The following LOC400499 variants were observed in gnomAD, a reference collection of about 807,000 sequenced individuals.
chr16:11,514,332 G>T, the LOC400499 span: 1 of 399,104 alleles, frequency 2.5e-6, no homozygotes, highest in Non-Finnish European at 4.4e-6. Context: ...CGGCCAGGGG[G>T]TGGCCACCAG....
At chr16:11,517,080 G>A in the LOC400499 span, among the ~76,000 whole-genome samples, 2 of 152,228 alleles carry the variant, frequency 1.3e-5, no homozygotes, top group Non-Finnish European at 2.9e-5. Flanking sequence ...ATGCCCTCCA[G>A]GGAGTTTCAT....
chr16:11,501,315 C>T, the LOC400499 span, among the ~76,000 whole-genome samples: 1 of 152,024 alleles, frequency 6.6e-6, no homozygotes, highest in Non-Finnish European at 1.5e-5. Context: ...AGCAAACAGT[C>T]CCTAATTTAA....
At chr16:11,477,889 G>A in the LOC400499 span, 1 of 399,048 alleles carries the variant, frequency 2.5e-6, no homozygotes, top group Admixed American at 4.4e-5. Flanking sequence ...CTCGGACCCG[G>A]ATGCTGATGG....
chr16:11,500,611 G>T, the LOC400499 span, among the ~76,000 whole-genome samples: 4 of 152,040 alleles, frequency 2.6e-5, no homozygotes, highest in African/African-American at 9.7e-5. Flanking sequence ...GCTGACCCTT[G>T]AACCCGGAAT....
At chr16:11,405,560 G>A in the LOC400499 span, among the ~76,000 whole-genome samples, 2 of 152,152 alleles carry the variant, frequency 1.3e-5, no homozygotes, top group African/African-American at 2.4e-5. Context: ...GGAGAGGGAC[G>A]CCGTCCCTGC....
the LOC400499 span, among the ~76,000 whole-genome samples, chr16:11,497,684 G>A: frequency 6.6e-6 from 1 of 152,058 alleles, no homozygotes; most frequent in East Asian, 1.9e-4. Context: ...TGAGGCCTGG[G>A]TGCTGAGCAG....
At chr16:11,414,449 G>C in the LOC400499 span, 2 of 400,358 alleles carry the variant, frequency 5.0e-6, no homozygotes. Flanking sequence ...AGGGCTGCCA[G>C]GTCCATGCTG....
the LOC400499 span, among the ~76,000 whole-genome samples, chr16:11,495,180 C>A: frequency 6.6e-6 from 1 of 150,480 alleles, no homozygotes; most frequent in African/African-American, 2.4e-5. Context: ...CTGCACTGCA[C>A]CCTGGGTGGC....
the LOC400499 span, among the ~76,000 whole-genome samples, chr16:11,425,707 T>C: frequency 3.8e-4 from 58 of 152,162 alleles, no homozygotes; most frequent in Admixed American, 7.2e-4. Context: ...TATAGCTGTA[T>C]ACGTTTTCCA....
the LOC400499 span, among the ~76,000 whole-genome samples, chr16:11,439,120 T>C: frequency 2.0e-5 from 3 of 152,106 alleles, no homozygotes; most frequent in African/African-American, 7.2e-5. Context: ...CACCTGGATG[T>C]CTTTCTCCAC....
At chr16:11,425,737 G>A in the LOC400499 span, among the ~76,000 whole-genome samples, 31 of 152,216 alleles carry the variant, frequency 2.0e-4, no homozygotes, top group African/African-American at 7.2e-4. Flanking sequence ...CACAAAGAAC[G>A]CTCCAGACGT....
the LOC400499 span, chr16:11,508,831 T>G: frequency 2.5e-6 from 1 of 398,964 alleles, no homozygotes; most frequent in Non-Finnish European, 4.4e-6. Flanking sequence ...TGGGGTCATG[T>G]CTTCATCGTC....
the LOC400499 span, among the ~76,000 whole-genome samples, chr16:11,408,745 G>A: frequency 6.6e-6 from 1 of 152,254 alleles, no homozygotes; most frequent in East Asian, 1.9e-4. Flanking sequence ...TTATGAGTGT[G>A]AACCACTGCA....
At chr16:11,460,721 C>G in the LOC400499 span, 8 of 1,402,018 alleles carry the variant, frequency 5.7e-6, no homozygotes, top group Non-Finnish European at 7.5e-6. Flanking sequence ...ACCCCCCATG[C>G]TTTGCTCCAC....
At chr16:11,473,186 A>G in the LOC400499 span, 1 of 151,704 alleles carries the variant, frequency 6.6e-6, no homozygotes, top group African/African-American at 2.4e-5. Context: ...GAAAATCAGA[A>G]AGCTCAGAAA....
chr16:11,399,418 G>A, the LOC400499 span: 9 of 445,440 alleles, frequency 2.0e-5, no homozygotes, highest in Non-Finnish European at 3.0e-5. Context: ...CGCTCCTGTG[G>A]CAGGTGGAGC....
the LOC400499 span, among the ~76,000 whole-genome samples, chr16:11,483,173 G>T: frequency 1.1e-4 from 17 of 152,154 alleles, no homozygotes; most frequent in Non-Finnish European, 1.9e-4. Flanking sequence ...TGTTGGTGAG[G>T]ATGTGGAGAA....
chr16:11,497,026 G>A, the LOC400499 span, among the ~76,000 whole-genome samples: 1 of 152,122 alleles, frequency 6.6e-6, no homozygotes, highest in African/African-American at 2.4e-5. Context: ...GCAACAGTGT[G>A]TGTAGGTCTG....
the LOC400499 span, among the ~76,000 whole-genome samples, chr16:11,493,473 C>T: frequency 0.64 from 97,860 of 151,974 alleles, 34,199 homozygotes; most frequent in Non-Finnish European, 0.78. Flanking sequence ...CTGCTTCCCA[C>T]ACTACACACA....
Sources: allele counts gnomAD v4.1 joint callset (sites outside exome capture counted in the v4.1 genomes callset), GRCh38; gene constraint gnomAD v4.1.1; transcripts MANE v1.5.